Variants in ASIC2 observed in about 807,000 individuals in gnomAD.
The protein encoded by ASIC2 is acid sensing ion channel subunit 2.
Under a neutral mutation model 57.3 loss-of-function variants are expected in ASIC2, and 25 were observed. That is an observed-to-expected ratio of 0.44 (90% CI 0.32 to 0.61). The LOEUF (loss-of-function observed/expected upper bound fraction) is 0.61. Among genes scored for constraint, ASIC2 ranks in the 20% least tolerant of loss-of-function variants. The probability of loss-of-function intolerance (pLI) is 0.06; values close to 1 mark genes in which losing one functional copy is unlikely to be tolerated. For synonymous variants in ASIC2, 319 were observed against 307.5 expected (o/e 1.04, Z -0.39); for missense variants, 641 against 738.1 (o/e 0.87, Z 1.52).
rs574856147 is a variant in ASIC2, at chr17:33,339,491, C to T, written c.556-227424G>A. On this transcript the variant is annotated intron_variant, in intron 1 of 9. Coordinates refer to the ASIC2 transcript ENST00000359872. ...CCTGTGGATCATAGGTTGCCAATCC[C>T]TGCTATTCCCTAGGAAAATTTCACT... Among the ~76,000 whole-genome samples, 4 of 152,300 alleles carry T rather than the reference C, an allele frequency of 2.6e-5. No homozygotes were observed. The South Asian group carries it at 8.3e-4, about 32-fold the overall frequency.
At chr17:33,767,545 G>A (rs1203523395) in intron 1 of ASIC2, among the ~76,000 whole-genome samples, 1 of 152,080 alleles carries the variant, frequency 6.6e-6, no homozygotes, top group South Asian at 2.1e-4. Flanking sequence ...AGGCACCCTT[G>A]AATCAATTAA....
At chr17:33,610,938 T>TG (rs1476336412) in intron 1 of ASIC2, among the ~76,000 whole-genome samples, 4 of 152,100 alleles carry the variant, frequency 2.6e-5, no homozygotes, top group Non-Finnish European at 4.4e-5. Flanking sequence ...CCCACACAAC[T>TG]GGTGCCTAAA....
At chr17:33,500,543 G>A (rs1489939983) in intron 1 of ASIC2, among the ~76,000 whole-genome samples, 6 of 152,204 alleles carry the variant, frequency 3.9e-5, no homozygotes, top group Non-Finnish European at 1.5e-5. Flanking sequence ...GATCTGTTAG[G>A]AGAGGTTCAG....
At chr17:33,237,545 T>C (rs1908342651) in intron 1 of ASIC2, among the ~76,000 whole-genome samples, 1 of 152,082 alleles carries the variant, frequency 6.6e-6, no homozygotes, top group Admixed American at 6.5e-5. Flanking sequence ...AGATGGGGTT[T>C]CTCCATGTTG....
intron 1 of ASIC2, among the ~76,000 whole-genome samples, chr17:33,459,252 G>T (rs1433922366): frequency 6.6e-6 from 1 of 152,022 alleles, no homozygotes; most frequent in Non-Finnish European, 1.5e-5. Context: ...GACGGGGTCG[G>T]TCTGTGCTCT....
At chr17:33,995,735 T>G (rs1217870802) in intron 1 of ASIC2, among the ~76,000 whole-genome samples, 1 of 152,156 alleles carries the variant, frequency 6.6e-6, no homozygotes, top group Non-Finnish European at 1.5e-5. Context: ...ATACCACATT[T>G]TCTTTATTCA....
At chr17:33,617,766 C>T (rs554737067) in intron 1 of ASIC2, among the ~76,000 whole-genome samples, 1 of 152,266 alleles carries the variant, frequency 6.6e-6, no homozygotes, top group Admixed American at 6.5e-5. Context: ...TCAATTCCAC[C>T]TTTGCTGCTG....
intron 1 of ASIC2, among the ~76,000 whole-genome samples, chr17:33,306,055 A>G (rs772083379): frequency 2.0e-5 from 3 of 152,212 alleles, no homozygotes; most frequent in Non-Finnish European, 4.4e-5. Flanking sequence ...CATGGCATTT[A>G]AATGTTTCTC....
intron 1 of ASIC2, among the ~76,000 whole-genome samples, chr17:33,841,686 C>A (rs1331728663): frequency 6.6e-6 from 1 of 152,126 alleles, no homozygotes. Flanking sequence ...GACAGAAGCC[C>A]CCAAGAGAGG....
chr17:33,499,742 G>A (rs895485864), intron 1 of ASIC2, among the ~76,000 whole-genome samples: 1 of 152,210 alleles, frequency 6.6e-6, no homozygotes, highest in Admixed American at 6.5e-5. Flanking sequence ...ACTTTTGCAG[G>A]TGTCACCTGC....
chr17:33,495,506 C>T (rs1476616018), intron 1 of ASIC2, among the ~76,000 whole-genome samples: 3 of 152,228 alleles, frequency 2.0e-5, no homozygotes, highest in Non-Finnish European at 4.4e-5. Flanking sequence ...AATCAACTCC[C>T]TTCACCCCAT....
chr17:33,322,739 G>A (rs936398252), intron 1 of ASIC2, among the ~76,000 whole-genome samples: 5 of 152,096 alleles, frequency 3.3e-5, no homozygotes, highest in African/African-American at 9.7e-5. Flanking sequence ...GACTGGGAGA[G>A]CAGGAAGAGC....
chr17:33,392,311 A>G (rs1299702390), intron 1 of ASIC2, among the ~76,000 whole-genome samples: 1 of 147,348 alleles, frequency 6.8e-6, no homozygotes, highest in Non-Finnish European at 1.5e-5. Flanking sequence ...CCCAGGCTGG[A>G]GTGCAGTGGT....
chr17:33,488,445 T>G (rs1243365751), intron 1 of ASIC2, among the ~76,000 whole-genome samples: 3 of 152,226 alleles, frequency 2.0e-5, no homozygotes, highest in Admixed American at 1.3e-4. Flanking sequence ...TCTATCAAAT[T>G]CTGTGAAAGA....
intron 1 of ASIC2, among the ~76,000 whole-genome samples, chr17:33,392,180 TTCCTTCCTTCCTTCCC>T (rs199614993): frequency 0.46 from 29,718 of 64,686 alleles, 4,191 homozygotes; most frequent in Middle Eastern, 0.53. Context: ...TCTTCCTTCC[TTCCTTCCTTCCTTCCC>T]TCCTTCCTTC....
At chr17:33,054,343 C>T (rs916010815) in intron 3 of ASIC2, among the ~76,000 whole-genome samples, 2 of 152,200 alleles carry the variant, frequency 1.3e-5, no homozygotes, top group African/African-American at 4.8e-5. Flanking sequence ...GCTGCCAAAC[C>T]AGTTACCAAG....
chr17:33,655,224 A>C (rs1907042523), intron 1 of ASIC2, among the ~76,000 whole-genome samples: 1 of 152,218 alleles, frequency 6.6e-6, no homozygotes, highest in African/African-American at 2.4e-5. Flanking sequence ...CCTACCTGTA[A>C]AACTGGAATA....
chr17:33,182,289 T>G (rs1441265764), intron 1 of ASIC2, among the ~76,000 whole-genome samples: 2 of 152,146 alleles, frequency 1.3e-5, no homozygotes, highest in Non-Finnish European at 2.9e-5. Context: ...GATGTCAAAA[T>G]TTTTGACCTG....
intron 1 of ASIC2, 126 bp downstream of exon 1, chr17:33,291,282 T>G: frequency 1.4e-6 from 2 of 1,431,374 alleles, no homozygotes. Context: ...GGGTTCTGCC[T>G]TGGCATCGTG....
Sources: gnomAD v4.1 joint callset for allele counts (sites outside exome capture counted in the v4.1 genomes callset) on GRCh38, gnomAD v4.1.1 for gene constraint, MANE v1.5 for transcripts, NCBI Gene and HGNC (gene_info 2026-07-23, HGNC 2026-07-21) for gene names.